Variants in CDH18 observed in about 807,000 individuals in gnomAD.
CDH18 encodes the protein cadherin-18.
CDH18 carries 31 observed loss-of-function variants against 67.9 expected under a neutral mutation model. The ratio of observed to expected loss-of-function variants is 0.46; its 90% CI spans 0.34 to 0.62. The LOEUF is 0.62. CDH18 is among the 20% of genes least tolerant of loss of function. The pLI is 0.01. For missense variants in CDH18, 890 were observed against 975.5 expected (o/e 0.91, Z 1.17); for synonymous variants, 362 against 347.2 (o/e 1.04, Z -0.48).
chr5:19,748,273 T>TA (rs1172115973), intron 3 of CDH18, among the ~76,000 whole-genome samples: 1 of 151,802 alleles, frequency 6.6e-6, no homozygotes, highest in African/African-American at 2.4e-5. Context: ...AATCTACACT[T>TA]ACTAAAATTA....
intron 8 of CDH18, among the ~76,000 whole-genome samples, chr5:19,544,861 A>G (rs1428074199): frequency 6.6e-6 from 1 of 152,146 alleles, no homozygotes; most frequent in African/African-American, 2.4e-5. Flanking sequence ...AATCTAGTAA[A>G]TGTGCAGATG....
chr5:19,773,370 A>G (rs1773943270), intron 3 of CDH18, among the ~76,000 whole-genome samples: 1 of 152,200 alleles, frequency 6.6e-6, no homozygotes, highest in Non-Finnish European at 1.5e-5. Flanking sequence ...AATAGAGATG[A>G]AAAGAGAGGG....
intron 2 of CDH18, among the ~76,000 whole-genome samples, chr5:20,039,642 A>G (rs1349846752): frequency 6.6e-6 from 1 of 152,198 alleles, no homozygotes. Context: ...CTGGCTAGCC[A>G]TATGTAGAAA....
intron 2 of CDH18, among the ~76,000 whole-genome samples, chr5:19,839,586 T>C (rs10076681): frequency 0.56 from 85,117 of 152,010 alleles, 23,949 homozygotes; most frequent in Middle Eastern, 0.68. Context: ...TCACAGACCA[T>C]AACAGCAATC....
intron 8 of CDH18, among the ~76,000 whole-genome samples, chr5:19,553,063 A>T (rs780873711): frequency 2.0e-5 from 3 of 152,190 alleles, no homozygotes; most frequent in Non-Finnish European, 4.4e-5. Context: ...CATAGTAAAA[A>T]TTCAATCTCA....
intron 1 of CDH18, among the ~76,000 whole-genome samples, chr5:20,276,261 C>G (rs902041898): frequency 6.6e-6 from 1 of 152,166 alleles, no homozygotes; most frequent in Non-Finnish European, 1.5e-5. Context: ...GCGCAGCTCA[C>G]AGCTCCAGGA....
At chr5:20,466,620 C>T (rs533638291) in intron 1 of CDH18, among the ~76,000 whole-genome samples, 52 of 152,116 alleles carry the variant, frequency 3.4e-4, no homozygotes, top group Non-Finnish European at 6.8e-4. Flanking sequence ...TTTACTTTTC[C>T]CTAATCCTAG....
intron 5 of CDH18, among the ~76,000 whole-genome samples, chr5:19,615,386 T>C (rs1749661755): frequency 6.6e-6 from 1 of 152,160 alleles, no homozygotes; most frequent in African/African-American, 2.4e-5. Flanking sequence ...TTAAATAGAC[T>C]ATATTTAGAG....
chr5:20,197,818 G>T (rs959394430), intron 2 of CDH18, among the ~76,000 whole-genome samples: 1 of 152,162 alleles, frequency 6.6e-6, no homozygotes, highest in Non-Finnish European at 1.5e-5. Flanking sequence ...TAGAATTACA[G>T]GCATAAGTTC....
chr5:20,054,522 G>A (rs1006197265), intron 2 of CDH18, among the ~76,000 whole-genome samples: 2 of 152,076 alleles, frequency 1.3e-5, no homozygotes, highest in Admixed American at 6.5e-5. Context: ...AGGAGGTTGT[G>A]GCTTACAGTT....
At chr5:19,594,822 C>T (rs1745908963) in intron 6 of CDH18, among the ~76,000 whole-genome samples, 1 of 152,006 alleles carries the variant, frequency 6.6e-6, no homozygotes, top group Non-Finnish European at 1.5e-5. Context: ...TATGAGAGTG[C>T]AACTGATAAC....
intron 1 of CDH18, among the ~76,000 whole-genome samples, chr5:20,536,300 A>G (rs9292945): frequency 0.023 from 3,518 of 152,214 alleles, 128 homozygotes; most frequent in African/African-American, 0.08. Context: ...GGGGAAAATA[A>G]TACTCTAGCA....
At chr5:19,703,686 C>T (rs994378688) in intron 5 of CDH18, among the ~76,000 whole-genome samples, 3 of 152,078 alleles carry the variant, frequency 2.0e-5, no homozygotes, top group African/African-American at 7.2e-5. Context: ...GATATAGAGG[C>T]TTGGCAGTTC....
At chr5:20,037,899 A>C (rs867985265) in intron 2 of CDH18, among the ~76,000 whole-genome samples, 1 of 152,152 alleles carries the variant, frequency 6.6e-6, no homozygotes, top group Admixed American at 6.6e-5. Flanking sequence ...CCTTCAAAAA[A>C]TCAATGAATC....
intron 1 of CDH18, among the ~76,000 whole-genome samples, chr5:20,519,225 A>G (rs1755570017): frequency 6.6e-6 from 1 of 152,188 alleles, no homozygotes; most frequent in Non-Finnish European, 1.5e-5. Context: ...ATAATTAAAA[A>G]GGAGTCAACA....
At chr5:19,725,508 G>A (rs1234659024) in intron 4 of CDH18, among the ~76,000 whole-genome samples, 1 of 152,042 alleles carries the variant, frequency 6.6e-6, no homozygotes, top group Non-Finnish European at 1.5e-5. Context: ...AGTGGCTCAC[G>A]CCTGTAATCC....
chr5:20,514,405 T>G (rs1252016315), intron 1 of CDH18, among the ~76,000 whole-genome samples: 3 of 152,150 alleles, frequency 2.0e-5, no homozygotes, highest in Admixed American at 1.3e-4. Context: ...TTTCCTTTCA[T>G]TGTTATCATA....
chr5:19,891,075 A>G (rs561395884), intron 2 of CDH18, among the ~76,000 whole-genome samples: 30 of 152,190 alleles, frequency 2.0e-4, no homozygotes, highest in African/African-American at 6.7e-4. Flanking sequence ...TTCCTTGTCA[A>G]TTTCTACCCT....
In CDH18 at chr5:19,509,783, T is replaced by G. The variant is rs111725444; in HGVS notation, c.1513-6674A>C. On this transcript the variant is annotated intron_variant, in intron 10 of 12. Transcript: ENST00000382275. ...CTTTATTTTTTCAATGTTTCCACTT[T>G]AGGCATATCTAAATTTTTCTTAAAT... Among the ~76,000 whole-genome samples, 708 of 152,316 alleles carry G rather than the reference T, an allele frequency of 4.6e-3. 6 individuals carry two copies. The highest frequency in any genetic ancestry group is 0.016 in the African/African-American group (674 of 41,584).
Sources: allele counts gnomAD v4.1 joint callset (sites outside exome capture counted in the v4.1 genomes callset), GRCh38; gene constraint gnomAD v4.1.1; transcripts MANE v1.5; gene names NCBI Gene and HGNC (gene_info 2026-07-23, HGNC 2026-07-21).